Variants in PARD3B observed in about 807,000 individuals in gnomAD.
PARD3B encodes the protein partitioning defective 3 homolog B.
A neutral mutation model predicts 130.2 loss-of-function variants in PARD3B; 103 were observed. The ratio of observed to expected loss-of-function variants is 0.79; its 90% CI spans 0.67 to 0.93. PARD3B has a LOEUF of 0.93. PARD3B is among the 40% of genes least tolerant of loss of function. PARD3B has a pLI of 0.00. For synonymous variants in PARD3B, 583 were observed against 553.2 expected, an observed-to-expected ratio of 1.05 and a Z score of -0.76; for missense variants, 1,609 against 1,499.2, an observed-to-expected ratio of 1.07 and a Z score of -1.21.
chr2:205,212,539 G>A (rs566347639), intron 15 of PARD3B, among the ~76,000 whole-genome samples: 3 of 152,104 alleles, frequency 2.0e-5, no homozygotes, highest in Non-Finnish European at 4.4e-5. Context: ...GACACGTGGA[G>A]CAATGCTGTG....
chr2:204,748,316 T>C (rs1296055908), intron 2 of PARD3B, among the ~76,000 whole-genome samples: 1 of 152,084 alleles, frequency 6.6e-6, no homozygotes, highest in African/African-American at 2.4e-5. Context: ...TGGAATCAAT[T>C]ACTGTAATTT....
At position 204,653,318 on chromosome 2, in the gene PARD3B, GAA is replaced by G. The variant is rs1490852122; in HGVS notation, c.121-32861_121-32860del. ...AAAAACCTAGCTATTATGGAAAAAA[GAA>G]AGTCATTGTAACCCCTTCTGTTAGA... is the stretch of plus-strand genomic sequence containing the variant. On this transcript the variant is annotated intron_variant, in intron 1 of 22. Coordinates refer to ENST00000406610, the MANE Select transcript of PARD3B (RefSeq NM_001302769.2). Among the ~76,000 whole-genome samples, 8 of 149,594 alleles carry G rather than the reference GAA, an allele frequency of 5.3e-5. No homozygotes were observed. The East Asian group carries it at 1.6e-3, about 29-fold the overall frequency.
At chr2:205,527,847 G>C (rs1005135874) in intron 21 of PARD3B, among the ~76,000 whole-genome samples, 2 of 152,164 alleles carry the variant, frequency 1.3e-5, no homozygotes, top group Non-Finnish European at 2.9e-5. Context: ...TAACACAGAA[G>C]TTTCCCCAGA....
rs71410805 is a variant in PARD3B, at chr2:205,183,730, T to TTGTGTGTG, written c.1925-1997_1925-1990dup. ...GGTTCTGCAGAGAAACAGAACCAAG[T>TTGTGTGTG]TGTGTGTGTGTGTGTGTGTGTGTGT... On this transcript the variant is annotated intron_variant, in intron 13 of 22. Transcript: ENST00000406610. The surrounding 1 kb of genome is among the most constrained non-coding windows in gnomAD (Gnocchi z 5.2). Among the ~76,000 whole-genome samples the TTGTGTGTG allele has an allele frequency of 0.02, 2,823 of 138,200 alleles. 40 individuals carry two copies. Among genetic ancestry groups the TTGTGTGTG allele is most frequent in the Middle Eastern group, 0.027 (7 of 262 alleles). 90.7% of individuals were successfully genotyped at this position (138,200 alleles called of 152,430 possible).
chr2:204,738,879 C>T (rs1045080761), intron 2 of PARD3B, among the ~76,000 whole-genome samples: 1 of 152,068 alleles, frequency 6.6e-6, no homozygotes, highest in Non-Finnish European at 1.5e-5. Flanking sequence ...TAGATGAGAC[C>T]TACTAAATAG....
At chr2:204,549,585 T>C (rs1328451654) in intron 1 of PARD3B, among the ~76,000 whole-genome samples, 1 of 152,170 alleles carries the variant, frequency 6.6e-6, no homozygotes, top group African/African-American at 2.4e-5. Context: ...GTCCTGGGCA[T>C]AGGTATTTTA....
intron 1 of PARD3B, among the ~76,000 whole-genome samples, chr2:204,622,916 T>G (rs1044542680): frequency 2.6e-5 from 4 of 152,082 alleles, no homozygotes; most frequent in African/African-American, 9.6e-5. Context: ...AAAATATGCA[T>G]AAGTTCTGTT....
chr2:204,899,674 ATAT>A (rs1187348163), intron 2 of PARD3B, among the ~76,000 whole-genome samples: 14 of 152,214 alleles, frequency 9.2e-5, no homozygotes, highest in Admixed American at 8.5e-4. Context: ...CAGTAATATA[ATAT>A]TCTGTGTTTT....
intron 20 of PARD3B, among the ~76,000 whole-genome samples, chr2:205,491,289 G>A (rs4542831): frequency 0.4 from 60,550 of 151,954 alleles, 12,591 homozygotes; most frequent in Admixed American, 0.49. Flanking sequence ...TTTGTATAAG[G>A]TGTAAGGAAG....
Position 205,309,329 on chromosome 2 carries a change from C to T in PARD3B, c.2630+7628C>T, listed in dbSNP as rs2042294904. Among the ~76,000 whole-genome samples, 1 of 152,106 alleles carries T rather than the reference C, an allele frequency of 6.6e-6. No individual in the cohort carries two copies. Among genetic ancestry groups the T allele is most frequent in the Non-Finnish European group, 1.5e-5 (1 of 68,004 alleles). ...TCTCAACTCAGATAATGCAAGCATA[C>T]CTCAAAGATAGACTAGTTCGGTTAC... On this transcript the variant is annotated intron_variant, in intron 18 of 22. Coordinates refer to ENST00000406610, the MANE Select transcript of PARD3B (RefSeq NM_001302769.2). This position sits in a 1 kb window ranked among gnomAD's most constrained non-coding sequence, Gnocchi z 4.7.
At chr2:204,706,922 G>A (rs895859532) in intron 2 of PARD3B, among the ~76,000 whole-genome samples, 2 of 152,156 alleles carry the variant, frequency 1.3e-5, no homozygotes, top group Non-Finnish European at 2.9e-5. Context: ...TGTGCCAAAT[G>A]TACAAAAAGA....
chr2:205,202,955 A>G (rs2037071805), intron 15 of PARD3B, among the ~76,000 whole-genome samples: 1 of 152,156 alleles, frequency 6.6e-6, no homozygotes, highest in Admixed American at 6.6e-5. Context: ...TTTCATAGGT[A>G]TATCCTTAAG....
chr2:205,550,324 T>C lies in PARD3B; in HGVS notation c.3181-3000T>C, dbSNP rs1180512483. Reference sequence around the variant, plus strand: ...TCCTCAGACTTCCACAGTGATCTCATTGTACCACAATTGTTTGCAGGCCTG... The same window carrying C: ...TCCTCAGACTTCCACAGTGATCTCACTGTACCACAATTGTTTGCAGGCCTG... On this transcript the variant is annotated intron_variant, in intron 21 of 22. Transcript: ENST00000406610. The surrounding 1 kb of genome is among the most constrained non-coding windows in gnomAD (Gnocchi z 4.5). Among the ~76,000 whole-genome samples, 2 of 152,184 alleles carry C rather than the reference T, an allele frequency of 1.3e-5. No homozygotes were observed. The highest frequency in any genetic ancestry group is 4.8e-5 in the African/African-American group (2 of 41,458).
intron 2 of PARD3B, among the ~76,000 whole-genome samples, chr2:204,731,209 A>G (rs1162925990): frequency 6.6e-6 from 1 of 152,208 alleles, no homozygotes; most frequent in Non-Finnish European, 1.5e-5. Flanking sequence ...TTACCCACTG[A>G]AGCAATGAAT....
chr2:205,027,472 A>G (rs902559013), intron 3 of PARD3B, among the ~76,000 whole-genome samples: 8 of 152,102 alleles, frequency 5.3e-5, no homozygotes, highest in African/African-American at 9.7e-5. Context: ...TCCCTCATCA[A>G]ATATACAGTT....
chr2:204,811,359 T>C (rs2042954687), intron 2 of PARD3B, among the ~76,000 whole-genome samples: 1 of 152,218 alleles, frequency 6.6e-6, no homozygotes, highest in African/African-American at 2.4e-5. Flanking sequence ...TTATTTCTTA[T>C]GTATATACTT....
chr2:204,561,712 C>T (rs1301472287), intron 1 of PARD3B, among the ~76,000 whole-genome samples: 1 of 151,796 alleles, frequency 6.6e-6, no homozygotes, highest in East Asian at 1.9e-4. Flanking sequence ...TCTCCTGCCT[C>T]AGCCTCCCGA....
chr2:205,261,124 G>A (rs2040291396), intron 16 of PARD3B, among the ~76,000 whole-genome samples: 1 of 152,070 alleles, frequency 6.6e-6, no homozygotes, highest in Non-Finnish European at 1.5e-5. Flanking sequence ...CCATTTAAAT[G>A]TGCATTTTTA....
chr2:205,260,688 T>A (rs1302298254), intron 16 of PARD3B, among the ~76,000 whole-genome samples: 2 of 152,162 alleles, frequency 1.3e-5, no homozygotes, highest in Admixed American at 6.5e-5. Context: ...AAACTTGATT[T>A]AATACCTCTA....
Sources: gnomAD v4.1 joint callset for allele counts (sites outside exome capture counted in the v4.1 genomes callset) on GRCh38, gnomAD v4.1.1 for gene constraint, Gnocchi (gnomAD v3.1) non-coding constraint, MANE v1.5 for transcripts, NCBI Gene and HGNC (gene_info 2026-07-23, HGNC 2026-07-21) for gene names.